The following PPIL2 variants were observed in gnomAD, a reference collection of about 807,000 sequenced individuals.
PPIL2 encodes the protein peptidylprolyl isomerase like 2, also known as RING-type E3 ubiquitin-protein ligase PPIL2.
In PPIL2, 50 loss-of-function variants were observed where a neutral mutation model predicts 75.2. The ratio of observed to expected loss-of-function variants is 0.66; its 90% confidence interval spans 0.53 to 0.84. The LOEUF (loss-of-function observed/expected upper bound fraction) is 0.84, where lower values mean the gene tolerates loss of function less well. Ranked by LOEUF, PPIL2 falls within the 40% of genes least tolerant of loss-of-function variation. The pLI is 0.00. For synonymous variants in PPIL2, 245 were observed against 258.8 expected (o/e 0.95, Z 0.51); for missense variants, 590 against 685.0 (o/e 0.86, Z 1.55).
intron 2 of PPIL2, chr22:21,670,240 T>C: frequency 8.4e-7 from 1 of 1,192,632 alleles, no homozygotes; most frequent in Non-Finnish European, 1.2e-6. Flanking sequence ...TACATGTACA[T>C]TTAAATGTTT....
chr22:21,666,306 C>G (rs1156718934), intron 1 of PPIL2, among the ~76,000 whole-genome samples, 175 bp downstream of exon 1: 1 of 152,124 alleles, frequency 6.6e-6, no homozygotes, highest in Non-Finnish European at 1.5e-5. Context: ...CTCGGGCCGC[C>G]GCGCTCTCCC....
Position 21,687,636 on chromosome 22 carries a change from G to A in PPIL2, c.898-7G>A, listed in dbSNP as rs1185349792. The stretch of plus-strand genomic sequence containing the variant: ...TGCTTCATACAAGTATTGGGGCTAT[G>A]TTGCAGACACCAAAAACCTGCGAAA... On this transcript the variant is annotated splice_polypyrimidine_tract_variant and splice_region_variant and intron_variant, in intron 12 of 19. Transcript: ENST00000398831. 7.0e-7 allele frequency: 1 copy of A among 1,434,948 alleles called. No homozygotes were observed. Among genetic ancestry groups the A allele is most frequent in the Admixed American group, 1.8e-5 (1 of 54,334 alleles). The allele number at this position is 1,434,948 out of a possible 1,614,324, so 88.9% of individuals were successfully genotyped here.
intron 11 of PPIL2, 44 bp from the exon 12 acceptor site, chr22:21,686,848 C>T (rs1182313087): frequency 3.2e-6 from 5 of 1,582,568 alleles, no homozygotes; most frequent in Non-Finnish European, 4.3e-6. Flanking sequence ...GGTGGGGCTG[C>T]CCCAGGGTGA....
chr22:21,680,596 G>A (rs191591503), intron 6 of PPIL2, among the ~76,000 whole-genome samples: 10 of 151,710 alleles, frequency 6.6e-5, no homozygotes, highest in African/African-American at 2.2e-4. Context: ...TTGGGAGGCC[G>A]AGGTGGGCAG....
intron 9 of PPIL2, among the ~76,000 whole-genome samples, chr22:21,684,471 A>AG (rs1479146838): frequency 4.7e-5 from 7 of 148,164 alleles, no homozygotes; most frequent in East Asian, 3.9e-4. Flanking sequence ...AAAAAAAAAA[A>AG]AAAAGAAAAA....
intron 4 of PPIL2, among the ~76,000 whole-genome samples, chr22:21,671,943 T>C (rs925558699): frequency 6.6e-6 from 1 of 152,028 alleles, no homozygotes; most frequent in African/African-American, 2.4e-5. Flanking sequence ...TCCCAGCTAC[T>C]TGGAAGCTGA....
chr22:21,694,916 C>G (rs775052280), intron 18 of PPIL2, 21 bp from the exon 19 acceptor site: 10 of 1,610,552 alleles, frequency 6.2e-6, no homozygotes, highest in Non-Finnish European at 7.6e-6. Flanking sequence ...GCCGGTTAGC[C>G]AGCGCCCTGT....
chr22:21,691,914 C>T lies in PPIL2; in HGVS notation c.1140-1902C>T, dbSNP rs973259666. ...TGGTCAGACTTGGTGGGCTCAGGAG[C>T]GTGTCCCTGCGTGGCTGGGGGGTGC... On this transcript the variant is annotated intron_variant, in intron 15 of 19. Transcript: ENST00000398831. 2.6e-5 allele frequency among the ~76,000 whole-genome samples: 4 copies of T among 152,080 alleles called. 1 individual carries two copies. Among genetic ancestry groups the T allele is most frequent in the South Asian group, 4.1e-4 (2 of 4,826 alleles).
At chr22:21,674,076 T>C (rs1277150435) in intron 5 of PPIL2, among the ~76,000 whole-genome samples, 1 of 152,162 alleles carries the variant, frequency 6.6e-6, no homozygotes, top group African/African-American at 2.4e-5. Flanking sequence ...TGCTGCCAGC[T>C]TAGGGCCCAG....
chr22:21,683,480 C>T (rs1390096030), intron 9 of PPIL2, among the ~76,000 whole-genome samples: 1 of 152,250 alleles, frequency 6.6e-6, no homozygotes, highest in Admixed American at 6.5e-5. Context: ...TCAGGTTCCC[C>T]TGCTCCCTGC....
intron 6 of PPIL2, among the ~76,000 whole-genome samples, chr22:21,676,138 C>T (rs2066831946): frequency 6.6e-6 from 1 of 152,150 alleles, no homozygotes; most frequent in African/African-American, 2.4e-5. Context: ...GCAGCATTCG[C>T]AGGTGAATGA....
chr22:21,686,382 G>T (rs1193476441), intron 10 of PPIL2, 101 bp from the exon 11 acceptor site: 2 of 1,141,410 alleles, frequency 1.8e-6, no homozygotes, highest in African/African-American at 1.5e-5. Context: ...CAGGGCCTGG[G>T]GGGCAGGGGT....
In PPIL2 at chr22:21,684,137, G is replaced by A. The variant is rs536560296; in HGVS notation, c.554-616G>A. The stretch of plus-strand genomic sequence containing the variant: ...CAGGAGAATCGATTGAGCCCAGGAG[G>A]TGGAGGCTACAGTGAGCTGAGATCT... On this transcript the variant is annotated intron_variant, in intron 9 of 19. Transcript: ENST00000398831. Among the ~76,000 whole-genome samples, 3 of 151,910 alleles carry A rather than the reference G, an allele frequency of 2.0e-5. No homozygotes were observed. In the South Asian group the frequency reaches 6.2e-4, roughly 32 times the overall value.
chr22:21,667,242 C>T (rs181684590), intron 1 of PPIL2, among the ~76,000 whole-genome samples: 144 of 150,422 alleles, frequency 9.6e-4, no homozygotes, highest in African/African-American at 3.4e-3. Flanking sequence ...CCGCAACCTC[C>T]GCTTCCCGGC....
Position 21,697,052 on chromosome 22 carries a change from C to T in PPIL2, c.*1562C>T, listed in dbSNP as rs563164586. On this transcript the variant is annotated 3_prime_UTR_variant, in exon 20 of 20. Transcript: ENST00000398831. ...TCCCTGTCTGTGACCATTGGTCGGG[C>T]CCCTGGGCTCTAGAGTGACTTTTGA... 5.4e-6 allele frequency: 8 copies of T among 1,485,536 alleles called. No homozygotes were observed. The East Asian group carries it at 1.7e-4, about 32-fold the overall frequency. 92.0% of individuals were successfully genotyped at this position (1,485,536 alleles called of 1,614,324 possible). A position where few individuals can be genotyped will look rare whatever the true frequency, so the allele number is the denominator to read the frequency against.
chr22:21,696,478 C>T lies in PPIL2; in HGVS notation c.*988C>T. 1 of 1,227,332 alleles carries T rather than the reference C, an allele frequency of 8.1e-7. No individual in the cohort carries two copies. The highest frequency in any genetic ancestry group is 1.0e-6 in the Non-Finnish European group (1 of 969,870). 76.0% of individuals were successfully genotyped at this position (1,227,332 alleles called of 1,614,324 possible). A position where few individuals can be genotyped will look rare whatever the true frequency, so the allele number is the denominator to read the frequency against. ...AGTCACTGACTCTGATGGCCTTGGG[C>T]CAGCTGCATCAGCAGCCCTTAAAGA... On this transcript the variant is annotated 3_prime_UTR_variant, in exon 20 of 20. Transcript: ENST00000398831.
intron 19 of PPIL2, 84 bp from the exon 20 acceptor site, chr22:21,695,310 A>G (rs890275143): frequency 4.3e-5 from 63 of 1,478,176 alleles, no homozygotes; most frequent in Non-Finnish European, 5.8e-5. Context: ...TTGGGCCTAC[A>G]CCGGGAGGGC....
Position 21,696,897 on chromosome 22 carries a change from C to T in PPIL2, c.*1407C>T, listed in dbSNP as rs1320354813. The T allele has an allele frequency of 6.3e-7, 1 of 1,593,258 alleles. No individual in the cohort carries two copies. On this transcript the variant is annotated 3_prime_UTR_variant, in exon 20 of 20. Transcript: ENST00000398831. ...TCCACTGCCACAGGCTGCCTGATGACCACTAGAGGTATGTCTGCCCCTCGT... is the reference window on the plus strand; with the variant it reads ...TCCACTGCCACAGGCTGCCTGATGATCACTAGAGGTATGTCTGCCCCTCGT...
In PPIL2 at chr22:21,684,813, G is replaced by A. The variant is rs376001677; in HGVS notation, c.614G>A (p.Arg205Gln). The A allele has an allele frequency of 1.4e-5, 23 of 1,614,148 alleles. No individual in the cohort carries two copies. Among genetic ancestry groups the A allele is most frequent in the Middle Eastern group, 1.7e-4 (1 of 6,060 alleles). ...CTGAAAAATACAAATGCCGAGACCC[G>A]AGAGACCCTGCAGGAGCTCTACAAG... is the stretch of plus-strand genomic sequence containing the variant. ...YYLKNTNAET[R>Q]ETLQELYKEF... Residue 205 changes from arginine to glutamine, a missense_variant, in exon 10 of 20, where the codon CGA (arginine) becomes CAA (glutamine). By Grantham distance (43) the Arg-to-Gln change is conservative. Coordinates refer to ENST00000398831, the MANE Select transcript of PPIL2 (RefSeq NM_014337.4).
Sources: allele counts gnomAD v4.1 joint callset (sites outside exome capture counted in the v4.1 genomes callset), GRCh38; gene constraint gnomAD v4.1.1; transcripts MANE v1.5; gene names NCBI Gene and HGNC (gene_info 2026-07-23, HGNC 2026-07-21).